The following PRKD1 variants were observed in gnomAD, a reference collection of about 807,000 sequenced individuals.
The protein encoded by PRKD1 is protein kinase D1.
PRKD1 carries 63 observed loss-of-function variants against 95.9 expected under a neutral mutation model. The observed-to-expected ratio is 0.66, with a 90% CI of 0.54 to 0.81. PRKD1 has a LOEUF of 0.81. Among genes scored for constraint, PRKD1 ranks in the 30% least tolerant of loss-of-function variants. The probability of loss-of-function intolerance (pLI) is 0.00; values close to 1 mark genes in which losing one functional copy is unlikely to be tolerated. For synonymous variants in PRKD1, 425 were observed against 423.1 expected (o/e 1.00, Z -0.05); for missense variants, 1,048 against 1,165.3 (o/e 0.90, Z 1.47).
At chr14:29,762,757 C>T (rs989877427) in intron 1 of PRKD1, among the ~76,000 whole-genome samples, 3 of 117,394 alleles carry the variant, frequency 2.6e-5, no homozygotes, top group Admixed American at 7.7e-5. Flanking sequence ...ACTATCTATA[C>T]TAAGGTATTT....
chr14:29,816,271 T>C (rs184231082), intron 1 of PRKD1, among the ~76,000 whole-genome samples: 4 of 152,274 alleles, frequency 2.6e-5, no homozygotes, highest in Admixed American at 6.5e-5. Context: ...CAATAGCTCA[T>C]TAAAACTCTT....
In PRKD1 at chr14:29,774,435, G is replaced by A. The variant is rs115157166; in HGVS notation, c.265-48761C>T. On this transcript the variant is annotated intron_variant, in intron 1 of 17. Coordinates refer to ENST00000331968, the MANE Select transcript of PRKD1 (RefSeq NM_002742.3). ...AGAGGAAAAGGAAGGGGAGGAAATC[G>A]GTGCTACCATTACTTGAACATTTTA... Among the ~76,000 whole-genome samples the A allele has an allele frequency of 6.2e-3, 949 of 152,164 alleles. 15 individuals carry two copies. Among genetic ancestry groups the A allele is most frequent in the African/African-American group, 0.021 (881 of 41,514 alleles).
chr14:29,861,154 A>C (rs1892697004), intron 1 of PRKD1, among the ~76,000 whole-genome samples: 1 of 152,216 alleles, frequency 6.6e-6, no homozygotes, highest in South Asian at 2.1e-4. Context: ...AACTATGACT[A>C]GCACCTCTTA....
chr14:29,622,410 TA>T (rs1426540550), intron 13 of PRKD1, among the ~76,000 whole-genome samples: 20 of 118,940 alleles, frequency 1.7e-4, no homozygotes, highest in South Asian at 8.0e-4. Flanking sequence ...CTGTTTTTAT[TA>T]TTTTTTTTTT....
chr14:29,613,485 C>T (rs1878626580), intron 13 of PRKD1, among the ~76,000 whole-genome samples: 1 of 152,126 alleles, frequency 6.6e-6, no homozygotes, highest in Admixed American at 6.5e-5. Context: ...TTGCCATGCC[C>T]TGCAAATCTG....
intron 1 of PRKD1, among the ~76,000 whole-genome samples, chr14:29,736,097 A>G (rs1273197925): frequency 6.6e-6 from 1 of 152,198 alleles, no homozygotes; most frequent in Non-Finnish European, 1.5e-5. Flanking sequence ...TTTCCCTTCA[A>G]GCCATTCAGA....
At chr14:29,725,035 T>C (rs1462972941) in intron 2 of PRKD1, among the ~76,000 whole-genome samples, 2 of 152,208 alleles carry the variant, frequency 1.3e-5, no homozygotes, top group Non-Finnish European at 2.9e-5. Flanking sequence ...TAGCGTCACA[T>C]GGCATGACCT....
At chr14:29,651,717 C>A (rs950609314) in intron 4 of PRKD1, among the ~76,000 whole-genome samples, 2 of 151,440 alleles carry the variant, frequency 1.3e-5, no homozygotes, top group Admixed American at 1.3e-4. Context: ...ACATAAGTAA[C>A]CTTTTTTTCA....
At chr14:29,700,887 G>A (rs954032918) in intron 2 of PRKD1, among the ~76,000 whole-genome samples, 10 of 152,092 alleles carry the variant, frequency 6.6e-5, no homozygotes, top group Non-Finnish European at 1.3e-4. Context: ...GGACTTGTCA[G>A]CCTCCACAAT....
intron 13 of PRKD1, among the ~76,000 whole-genome samples, chr14:29,607,881 G>T (rs8015079): frequency 0.23 from 34,675 of 151,842 alleles, 3,998 homozygotes; most frequent in South Asian, 0.26. Context: ...AGGGGTATGT[G>T]GGGGGGCATT....
At chr14:29,639,777 GA>G (rs1265855354) in intron 4 of PRKD1, among the ~76,000 whole-genome samples, 5 of 152,054 alleles carry the variant, frequency 3.3e-5, no homozygotes, top group Non-Finnish European at 5.9e-5. Flanking sequence ...ACTGGAAACA[GA>G]ACGAATATAC....
chr14:29,641,193 T>G (rs2139144965), intron 4 of PRKD1, among the ~76,000 whole-genome samples: 1 of 152,310 alleles, frequency 6.6e-6, no homozygotes, highest in Middle Eastern at 3.4e-3. Flanking sequence ...ACATGTGTCC[T>G]TGGCACAGAA....
At chr14:29,701,732 CT>C (rs1439527172) in intron 2 of PRKD1, among the ~76,000 whole-genome samples, 1 of 152,030 alleles carries the variant, frequency 6.6e-6, no homozygotes, top group East Asian at 1.9e-4. Context: ...ACTTTTTAGT[CT>C]TTTTGATGCT....
intron 2 of PRKD1, among the ~76,000 whole-genome samples, chr14:29,680,102 T>A (rs562661374): frequency 4.6e-5 from 7 of 152,186 alleles, no homozygotes; most frequent in Non-Finnish European, 8.8e-5. Flanking sequence ...TGGACAACTT[T>A]AGTATTTCAA....
At chr14:29,676,028 A>G (rs1029270812) in intron 2 of PRKD1, among the ~76,000 whole-genome samples, 9 of 151,538 alleles carry the variant, frequency 5.9e-5, no homozygotes, top group Non-Finnish European at 1.2e-4. Flanking sequence ...TACCTAATGT[A>G]AATGACGCGT....
At chr14:29,696,250 G>A (rs1255013041) in intron 2 of PRKD1, among the ~76,000 whole-genome samples, 1 of 151,978 alleles carries the variant, frequency 6.6e-6, no homozygotes, top group Non-Finnish European at 1.5e-5. Context: ...ATAGAGTCAG[G>A]CCTATATATG....
intron 13 of PRKD1, among the ~76,000 whole-genome samples, chr14:29,602,961 C>T (rs2139024042): frequency 6.6e-6 from 1 of 152,314 alleles, no homozygotes; most frequent in African/African-American, 2.4e-5. Context: ...AAGAGCTCTA[C>T]AAATGTTCTC....
chr14:29,706,507 T>G (rs2139342487), intron 2 of PRKD1, among the ~76,000 whole-genome samples: 1 of 152,190 alleles, frequency 6.6e-6, no homozygotes, highest in Non-Finnish European at 1.5e-5. Flanking sequence ...CATATCAAAT[T>G]TAAATTCAAA....
At chr14:29,754,729 T>C (rs115594488) in intron 1 of PRKD1, among the ~76,000 whole-genome samples, 1,614 of 152,198 alleles carry the variant, frequency 0.011, 34 homozygotes, top group African/African-American at 0.037. Flanking sequence ...AAGTTTACTA[T>C]GACTTGGTAT....
Sources: allele counts gnomAD v4.1 joint callset (sites outside exome capture counted in the v4.1 genomes callset), GRCh38; gene constraint gnomAD v4.1.1; transcripts MANE v1.5; gene names NCBI Gene and HGNC (gene_info 2026-07-23, HGNC 2026-07-21).